Variants in NOBOX observed in about 807,000 individuals in gnomAD.
NOBOX encodes NOBOX oogenesis homeobox, also known as homeobox protein NOBOX.
In NOBOX, 46 loss-of-function variants were observed where a neutral mutation model predicts 60.2. The ratio of observed to expected loss-of-function variants is 0.76; its 90% CI spans 0.60 to 0.98. NOBOX has a LOEUF of 0.98. NOBOX is among the 50% of genes least tolerant of loss of function. The probability of loss-of-function intolerance (pLI) is 0.00; values close to 1 mark genes in which losing one functional copy is unlikely to be tolerated. For missense variants in NOBOX, 880 were observed against 865.5 expected (o/e 1.02, Z -0.21); for synonymous variants, 360 against 346.3 (o/e 1.04, Z -0.44).
rs528754192 is a variant in NOBOX at position 144,401,540 on chromosome 7, C to A, written c.350G>T (p.Arg117Leu). 6.6e-7 allele frequency: 1 copy of A among 1,514,642 alleles called. No individual in the cohort carries two copies. The highest frequency in any genetic ancestry group is 8.8e-7 in the Non-Finnish European group (1 of 1,136,726). The allele number at this position is 1,514,642 out of a possible 1,614,324, so 93.8% of individuals were successfully genotyped here. The change falls in exon 4 of 10, where the codon CGG (arginine) becomes CTG (leucine). Residue 117 changes from arginine to leucine, a missense_variant. Coordinates refer to ENST00000467773, the MANE Select transcript of NOBOX (RefSeq NM_001080413.3). The surrounding 1 kb of genome is among the most constrained non-coding windows in gnomAD (Gnocchi z 4.2). ...GTCCTGAGCATGAGGGGCTGAGCCC[C>A]GGAGCAGTTCCTCCTCCCCGGGTCC...
chr7:144,400,922 G>T, intron 4 of NOBOX, 124 bp downstream of exon 2: 3 of 739,306 alleles, frequency 4.1e-6, no homozygotes, highest in East Asian at 5.9e-5. Flanking sequence ...GAGAGAATCC[G>T]GGACGAAGTG....
Position 144,400,252 on chromosome 7 carries a change from C to T in NOBOX, c.905G>A (p.Arg302His), listed in dbSNP as rs1376334807. 4.3e-6 allele frequency: 7 copies of T among 1,614,070 alleles called. No individual in the cohort carries two copies. The highest frequency in any genetic ancestry group is 4.2e-6 in the Non-Finnish European group (5 of 1,179,910). ...CCCCACCGTCTGGGCAATCTCTCGG[C>T]GTTTATCACTGTCAGGATAGTGGTC... The change falls in exon 5 of 10, where the codon CGC becomes CAC. Residue 302 changes from arginine (R) to histidine (H), a missense_variant. Arg to His is a conservative substitution (Grantham distance 29, BLOSUM62 0). Coordinates refer to ENST00000467773, the MANE Select transcript of NOBOX (RefSeq NM_001080413.3).
intron 6 of NOBOX, 123 bp downstream of exon 4, chr7:144,399,634 C>A (rs2053921819): frequency 8.8e-7 from 1 of 1,138,980 alleles, no homozygotes; most frequent in Admixed American, 2.1e-5. Context: ...CCCTCTAAAT[C>A]TTAGCTGGCA....
Position 144,401,756 on chromosome 7 carries a change from G to T in NOBOX, c.292+113C>A. 9.7e-7 allele frequency: 1 copy of T among 1,033,818 alleles called. No homozygotes were observed. Among genetic ancestry groups the T allele is most frequent in the Non-Finnish European group, 1.4e-6 (1 of 702,750 alleles). The allele number at this position is 1,033,818 out of a possible 1,614,324, so 64.0% of individuals were successfully genotyped here. On this transcript the variant is annotated intron_variant, in intron 3 of 9. Coordinates refer to ENST00000467773, the MANE Select transcript of NOBOX (RefSeq NM_001080413.3). The surrounding 1 kb of genome is among the most constrained non-coding windows in gnomAD (Gnocchi z 4.2). ...AATTCCACACTTACCTTCCTAGCTT[G>T]ACTATTGTGAGGATTAAATCAGATA...
Position 144,398,160 on chromosome 7 carries a change from A to C in NOBOX, c.1774+122T>G, listed in dbSNP as rs1040222004. ...AGAAGAGCTTAATAGAACTAGGGGC[A>C]AACAGAAGGATTCATTCACCACCCA... On this transcript the variant is annotated intron_variant, in intron 9 of 9. Transcript: ENST00000467773. 3 of 852,940 alleles carry C rather than the reference A, an allele frequency of 3.5e-6. No individual in the cohort carries two copies. The African/African-American group carries it at 5.0e-5, about 14-fold the overall frequency. 52.8% of individuals were successfully genotyped at this position (852,940 alleles called of 1,614,324 possible). A position where few individuals can be genotyped will look rare whatever the true frequency, so the allele number is the denominator to read the frequency against.
chr7:144,404,474 C>T, intron 2 of NOBOX: 1 of 1,239,140 alleles, frequency 8.1e-7, no homozygotes. Flanking sequence ...GGCTAGAACT[C>T]CTGACTTCAA....
At chr7:144,400,963 C>T in intron 4 of NOBOX, 83 bp downstream of exon 2, 2 of 1,234,178 alleles carry the variant, frequency 1.6e-6, no homozygotes, top group South Asian at 2.3e-5. Flanking sequence ...CCTCAGGTCT[C>T]CTGGGGGTAG....
intron 2 of NOBOX, among the ~76,000 whole-genome samples, chr7:144,404,186 A>G (rs998154582): frequency 6.6e-6 from 1 of 152,086 alleles, no homozygotes; most frequent in African/African-American, 2.4e-5. Context: ...GGGTTGCCCA[A>G]CTCCCATGCT....
Position 144,398,438 on chromosome 7 carries a change from TGGGGAGGTA to T in NOBOX, c.1609_1617del (p.Tyr537_Pro539del). ...GAACTGGGCATGGAGAAGGGGAAAG[TGGGGAGGTA>T]GGGCAACTTGGGCTGAGGGGACTGG... On this transcript the variant is annotated inframe_deletion, in exon 9 of 10. Coordinates refer to ENST00000467773, the MANE Select transcript of NOBOX (RefSeq NM_001080413.3). 1 of 1,536,710 alleles carries T rather than the reference TGGGGAGGTA, an allele frequency of 6.5e-7. No individual in the cohort carries two copies. The highest frequency in any genetic ancestry group is 1.7e-4 in the Middle Eastern group (1 of 5,960).
intron 8 of NOBOX, 103 bp downstream of exon 6, chr7:144,398,847 C>A: frequency 1.4e-6 from 1 of 694,954 alleles, no homozygotes. Context: ...ACTCTGTGCT[C>A]CTCTCAGTTA....
chr7:144,399,170 TG>T lies in NOBOX; in HGVS notation c.1248del (p.Met417CysfsTer3). 8 of 1,530,862 alleles carry T rather than the reference TG, an allele frequency of 5.2e-6. No individual in the cohort carries two copies. The highest frequency in any genetic ancestry group is 7.1e-6 in the Non-Finnish European group (8 of 1,121,770). The allele number at this position is 1,530,862 out of a possible 1,614,324, so 94.8% of individuals were successfully genotyped here. A position where few individuals can be genotyped will look rare whatever the true frequency, so the allele number is the denominator to read the frequency against. On this transcript the variant is annotated frameshift_variant, in exon 8 of 10. Coordinates refer to ENST00000467773, the MANE Select transcript of NOBOX (RefSeq NM_001080413.3). LOFTEE classifies it high-confidence loss of function. ...AAAGTCTGGTCAGAAGTCAGCAGCATGGGGGGCTCTAGGAACAGAAGGCAAA... is the reference window on the plus strand; with the variant it reads ...AAAGTCTGGTCAGAAGTCAGCAGCATGGGGGCTCTAGGAACAGAAGGCAAA...
chr7:144,402,078 G>A (rs1344754663), intron 2 of NOBOX: 2 of 674,664 alleles, frequency 3.0e-6, no homozygotes, highest in African/African-American at 3.6e-5. Context: ...GGATTCGATT[G>A]TCTCCAGCAG....
At chr7:144,404,825 T>G (rs2053974703) in intron 1 of NOBOX, 3 of 1,011,522 alleles carry the variant, frequency 3.0e-6, no homozygotes, top group East Asian at 2.5e-5. Context: ...CTTACTATCT[T>G]TATACAAACA....
chr7:144,406,996 A>T (rs10232277), intron 1 of NOBOX, among the ~76,000 whole-genome samples: 5,021 of 148,714 alleles, frequency 0.034, 304 homozygotes, highest in African/African-American at 0.12. Flanking sequence ...ATTTTTTTTT[A>T]ATTTTTAATT....
Position 144,398,420 on chromosome 7 carries a change from G to A in NOBOX, c.1636C>T (p.Pro546Ser). 6.5e-7 allele frequency: 1 copy of A among 1,537,288 alleles called. No homozygotes were observed. The highest frequency in any genetic ancestry group is 8.7e-7 in the Non-Finnish European group (1 of 1,146,928). ...GGCGGTGGAAGCGTCAGTGAACTGG[G>A]CATGGAGAAGGGGAAAGTGGGGAGG... Residue 546 changes from proline (P) to serine (S), a missense_variant, in exon 9 of 10, where the codon CCC (proline) becomes TCC (serine). Pro to Ser is a moderately conservative substitution (Grantham distance 74). Coordinates refer to ENST00000467773, the MANE Select transcript of NOBOX (RefSeq NM_001080413.3).
rs138463368 is a variant in NOBOX at position 144,410,162 on chromosome 7, A to G, written c.66T>C (p.Asp22=). The G allele has an allele frequency of 5.6e-3, 8,804 of 1,568,248 alleles. 66 individuals are homozygous for G. Among genetic ancestry groups the G allele is most frequent in the African/African-American group, 0.027 (2,012 of 74,098 alleles). ...GCTCACCCTCCTGGGCTTTGAAGCC[A>G]TCCTTGTCTCTGGTGTCCCAGGTAC... Residue 22 remains aspartate (D), a synonymous_variant, in exon 1 of 10, where the codon GAT becomes GAC. Transcript: ENST00000467773.
chr7:144,396,906 C>T (rs1194092153), downstream of NOBOX, among the ~76,000 whole-genome samples: 1 of 152,004 alleles, frequency 6.6e-6, no homozygotes, highest in Admixed American at 6.6e-5. Context: ...CAGAGAAAAC[C>T]GCAGGACGGA....
At chr7:144,404,784 A>G (rs1459908433) in intron 1 of NOBOX, 1 of 1,288,878 alleles carries the variant, frequency 7.8e-7, no homozygotes, top group Non-Finnish European at 1.1e-6. Flanking sequence ...ACAGGGGTGC[A>G]GCCTTATGAT....
Position 144,398,376 on chromosome 7 carries a change from CAT to C in NOBOX, c.1678_1679del (p.Met560ValfsTer38), listed in dbSNP as rs1370392235. Reference sequence around the variant, plus strand: ...TGCCCCCGCTGGGGCCACAGGGAAACATAAAGAGAGAGTCTTCGGGCGGTGGA... The same window carrying C: ...TGCCCCCGCTGGGGCCACAGGGAAACAAAGAGAGAGTCTTCGGGCGGTGGA... On this transcript the variant is annotated frameshift_variant, in exon 9 of 10. Transcript: ENST00000467773. LOFTEE classifies it high-confidence loss of function. 19 of 1,537,110 alleles carry C rather than the reference CAT, an allele frequency of 1.2e-5. No individual in the cohort carries two copies. The highest frequency in any genetic ancestry group is 1.7e-5 in the Non-Finnish European group (19 of 1,146,930).
Sources: gnomAD v4.1 joint callset for allele counts (sites outside exome capture counted in the v4.1 genomes callset) on GRCh38, gnomAD v4.1.1 for gene constraint, Gnocchi (gnomAD v3.1) non-coding constraint, MANE v1.5 for transcripts, NCBI Gene and HGNC (gene_info 2026-07-23, HGNC 2026-07-21) for gene names.